The following SH3RF2 variants were observed in gnomAD, a reference collection of about 807,000 sequenced individuals.
SH3RF2 encodes the protein E3 ubiquitin-protein ligase SH3RF2.
Under a neutral mutation model 59.0 loss-of-function variants are expected in SH3RF2, and 43 were observed. The observed-to-expected ratio is 0.73, with a 90% CI of 0.57 to 0.94. The LOEUF (loss-of-function observed/expected upper bound fraction) is 0.94, where lower values mean the gene tolerates loss of function less well. SH3RF2 is among the 40% of genes least tolerant of loss of function. SH3RF2 has a pLI of 0.00. For synonymous variants in SH3RF2, 391 were observed against 391.5 expected (o/e 1.00, Z 0.01); for missense variants, 930 against 940.1 (o/e 0.99, Z 0.14).
chr5:146,044,249 C>G (rs1259320295), intron 5 of SH3RF2, among the ~76,000 whole-genome samples: 1 of 151,548 alleles, frequency 6.6e-6, no homozygotes, highest in East Asian at 1.9e-4. Context: ...CTCCTGGGTT[C>G]AAGCGATTCT....
chr5:146,063,086 C>T lies in SH3RF2; in HGVS notation c.*385C>T, dbSNP rs1050860310. On this transcript the variant is annotated 3_prime_UTR_variant, in exon 10 of 10. Transcript: ENST00000359120. ...GGTGTGACAACGGTGGGATTGTTGG[C>T]GTTGCTTCTTTGACCTTACAATATC... is the stretch of plus-strand genomic sequence containing the variant. 3.4e-5 allele frequency: 7 copies of T among 207,422 alleles called. No individual in the cohort carries two copies. The highest frequency in any genetic ancestry group is 5.6e-5 in the Admixed American group (1 of 17,930). 12.8% of individuals were successfully genotyped at this position (207,422 alleles called of 1,614,324 possible).
intron 9 of SH3RF2, among the ~76,000 whole-genome samples, chr5:146,073,251 T>A (rs1319390051): frequency 6.6e-6 from 1 of 152,200 alleles, no homozygotes; most frequent in African/African-American, 2.4e-5. Context: ...CATCTGGTGG[T>A]CCCCACGGCC....
chr5:146,073,606 G>C (rs566895560), intron 9 of SH3RF2, among the ~76,000 whole-genome samples: 1 of 152,148 alleles, frequency 6.6e-6, no homozygotes. Flanking sequence ...ATTTAAAGTC[G>C]CAGAATGTTT....
intron 2 of SH3RF2, among the ~76,000 whole-genome samples, chr5:145,981,175 G>C (rs1484373064): frequency 6.6e-6 from 1 of 151,930 alleles, no homozygotes; most frequent in African/African-American, 2.4e-5. Flanking sequence ...GCTCACTGCA[G>C]CCTTGACTTC....
intron 8 of SH3RF2, among the ~76,000 whole-genome samples, chr5:146,059,370 G>A (rs998247934): frequency 4.6e-5 from 7 of 151,664 alleles, no homozygotes; most frequent in Non-Finnish European, 1.0e-4. Flanking sequence ...ACAGCAAGTC[G>A]CTGGGCAGAG....
chr5:145,951,123 C>A (rs1412699740), intron 2 of SH3RF2, among the ~76,000 whole-genome samples: 1 of 152,142 alleles, frequency 6.6e-6, no homozygotes, highest in Non-Finnish European at 1.5e-5. Context: ...AGAAAGATGG[C>A]TAACATTTTT....
intron 9 of SH3RF2, among the ~76,000 whole-genome samples, chr5:146,071,356 A>T: frequency 6.6e-6 from 1 of 152,256 alleles, no homozygotes; most frequent in East Asian, 1.9e-4. Context: ...TGTCAGTCAC[A>T]GCTTAGATAG....
At chr5:146,055,215 C>T (rs1231046909) in intron 7 of SH3RF2, among the ~76,000 whole-genome samples, 3 of 152,218 alleles carry the variant, frequency 2.0e-5, no homozygotes, top group Non-Finnish European at 4.4e-5. Flanking sequence ...ATGATGAATG[C>T]TCCAACTAGC....
At chr5:145,987,467 C>A (rs1392397640) in intron 2 of SH3RF2, among the ~76,000 whole-genome samples, 1 of 152,084 alleles carries the variant, frequency 6.6e-6, no homozygotes. Context: ...AAGAGAGAAA[C>A]ACATAACAAA....
At chr5:146,012,941 C>G (rs1019398903) in intron 4 of SH3RF2, among the ~76,000 whole-genome samples, 5 of 151,976 alleles carry the variant, frequency 3.3e-5, no homozygotes, top group African/African-American at 9.7e-5. Context: ...AAAAACTCCA[C>G]AAATCAGGGA....
chr5:145,946,265 A>G (rs1015039403), intron 2 of SH3RF2, among the ~76,000 whole-genome samples: 3 of 152,200 alleles, frequency 2.0e-5, no homozygotes, highest in African/African-American at 7.2e-5. Flanking sequence ...AGCTGAGTTC[A>G]TCTCAGATCT....
intron 2 of SH3RF2, among the ~76,000 whole-genome samples, chr5:145,994,782 A>G (rs1335610293): frequency 3.9e-5 from 6 of 152,196 alleles, no homozygotes; most frequent in Non-Finnish European, 8.8e-5. Flanking sequence ...CTAAAAATTG[A>G]CATTTGAAAT....
At chr5:145,973,265 C>T (rs78636237) in intron 2 of SH3RF2, among the ~76,000 whole-genome samples, 1 of 152,160 alleles carries the variant, frequency 6.6e-6, no homozygotes, top group African/African-American at 2.4e-5. Flanking sequence ...TGGCAATGAC[C>T]CTTAAGCCAA....
chr5:146,007,530 T>G (rs1308521173), intron 4 of SH3RF2, among the ~76,000 whole-genome samples: 1 of 152,166 alleles, frequency 6.6e-6, no homozygotes, highest in Non-Finnish European at 1.5e-5. Context: ...CCATATGAGG[T>G]GCTTAAGTAT....
intron 7 of SH3RF2, chr5:146,050,102 A>C (rs1762445047): frequency 1.3e-5 from 2 of 152,232 alleles, no homozygotes; most frequent in African/African-American, 4.8e-5. Context: ...GTGAGCTGCC[A>C]CGTCCGGAGG....
chr5:146,069,982 G>GAA (rs11430700), intron 9 of SH3RF2, among the ~76,000 whole-genome samples: 331 of 143,220 alleles, frequency 2.3e-3, no homozygotes, highest in East Asian at 0.017. Context: ...AATGGAAACT[G>GAA]AAAAAAAAAA....
intron 5 of SH3RF2, among the ~76,000 whole-genome samples, chr5:146,044,470 A>C (rs191346747): frequency 6.6e-6 from 1 of 152,232 alleles, no homozygotes; most frequent in Non-Finnish European, 1.5e-5. Context: ...GGTATCTCAC[A>C]GTGCTTTTAA....
intron 2 of SH3RF2, among the ~76,000 whole-genome samples, chr5:145,988,043 T>C (rs1759784078): frequency 6.6e-6 from 1 of 152,178 alleles, no homozygotes; most frequent in African/African-American, 2.4e-5. Context: ...AGAAAATAAG[T>C]TAGTCAGCAG....
chr5:146,003,617 C>G (rs1239823666), intron 3 of SH3RF2, among the ~76,000 whole-genome samples: 1 of 152,044 alleles, frequency 6.6e-6, no homozygotes, highest in Non-Finnish European at 1.5e-5. Flanking sequence ...TAAGAAAAAT[C>G]TGAACAAAAA....
Sources: allele counts gnomAD v4.1 joint callset (sites outside exome capture counted in the v4.1 genomes callset), GRCh38; gene constraint gnomAD v4.1.1; transcripts MANE v1.5; gene names NCBI Gene and HGNC (gene_info 2026-07-23, HGNC 2026-07-21).